Variants in SGCZ observed in about 807,000 individuals in gnomAD.
SGCZ encodes the protein sarcoglycan zeta.
A neutral mutation model predicts 41.3 loss-of-function variants in SGCZ; 40 were observed. The observed-to-expected ratio is 0.97, with a 90% CI of 0.75 to 1.26. SGCZ has a LOEUF of 1.26. Ranked by LOEUF, SGCZ falls within the 50% of genes most tolerant of loss-of-function variation. SGCZ has a pLI of 0.00. For missense variants in SGCZ, 552 were observed against 369.8 expected (o/e 1.49, Z -4.04); for synonymous variants, 206 against 137.5 (o/e 1.50, Z -3.49).
intron 1 of SGCZ, among the ~76,000 whole-genome samples, chr8:14,609,127 T>C (rs1203412892): frequency 6.6e-6 from 1 of 152,190 alleles, no homozygotes; most frequent in Non-Finnish European, 1.5e-5. Flanking sequence ...TTAGGGAAGA[T>C]AATGTCAAGA....
intron 2 of SGCZ, among the ~76,000 whole-genome samples, chr8:14,507,774 GTT>G (rs61638509): frequency 0.017 from 2,258 of 135,422 alleles, 58 homozygotes; most frequent in African/African-American, 0.059. Flanking sequence ...TTTTGTTTTT[GTT>G]TTTTTTTTTT....
At chr8:14,261,993 A>G (rs1433661935) in intron 3 of SGCZ, among the ~76,000 whole-genome samples, 1 of 152,210 alleles carries the variant, frequency 6.6e-6, no homozygotes, top group East Asian at 1.9e-4. Context: ...AATTTGACCA[A>G]CTCCTACTCT....
At chr8:14,119,140 A>C (rs568257958) in intron 5 of SGCZ, among the ~76,000 whole-genome samples, 1 of 152,058 alleles carries the variant, frequency 6.6e-6, no homozygotes, top group South Asian at 2.1e-4. Context: ...TGAATCTATA[A>C]ATTACTTTGG....
At chr8:14,517,712 T>A (rs2117092060) in intron 2 of SGCZ, among the ~76,000 whole-genome samples, 1 of 152,108 alleles carries the variant, frequency 6.6e-6, no homozygotes, top group African/African-American at 2.4e-5. Flanking sequence ...TAGGGGATAT[T>A]GCTTGATAAT....
At chr8:14,371,266 T>A (rs1803899505) in intron 2 of SGCZ, among the ~76,000 whole-genome samples, 1 of 151,990 alleles carries the variant, frequency 6.6e-6, no homozygotes, top group South Asian at 2.1e-4. Flanking sequence ...TGACTCAGTC[T>A]CCTGAATAAG....
chr8:14,431,413 A>G (rs771717874), intron 2 of SGCZ, among the ~76,000 whole-genome samples: 18 of 152,200 alleles, frequency 1.2e-4, no homozygotes, highest in Non-Finnish European at 2.2e-4. Context: ...GATCTTTGAC[A>G]AAGCAAACAA....
intron 5 of SGCZ, among the ~76,000 whole-genome samples, chr8:14,110,675 A>C (rs116805484): frequency 0.014 from 2,132 of 152,284 alleles, 48 homozygotes; most frequent in African/African-American, 0.048. Context: ...CAAAATTAAT[A>C]AGCAACACAG....
At position 14,102,409 on chromosome 8, in the gene SGCZ, C is replaced by T; in HGVS notation, c.711G>A (p.Arg237=). 1.3e-6 allele frequency: 2 copies of T among 1,526,514 alleles called. No individual in the cohort carries two copies. Among genetic ancestry groups the T allele is most frequent in the African/African-American group, 1.4e-5 (1 of 72,628 alleles). The allele number at this position is 1,526,514 out of a possible 1,614,324, so 94.6% of individuals were successfully genotyped here. A position where few individuals can be genotyped will look rare whatever the true frequency, so the allele number is the denominator to read the frequency against. The part of the protein sequence containing the change: ...AAAGDFKATC[R]KELHLQSTEG... ...CTGTAGATTGCAGATGGAGCTCCTT[C>T]CTGCAGGTGGCCTTGAAGTCTCCTG... is the stretch of plus-strand genomic sequence containing the variant. Residue 237 remains arginine (R), a synonymous_variant, in exon 7 of 8, where the codon AGG becomes AGA. Transcript: ENST00000382080.
At chr8:14,411,324 A>T (rs1799354697) in intron 2 of SGCZ, among the ~76,000 whole-genome samples, 1 of 152,194 alleles carries the variant, frequency 6.6e-6, no homozygotes, top group South Asian at 2.1e-4. Context: ...ACATTCGTAT[A>T]GAAACCATTG....
At chr8:14,608,592 G>A (rs1425593205) in intron 1 of SGCZ, among the ~76,000 whole-genome samples, 3 of 152,010 alleles carry the variant, frequency 2.0e-5, no homozygotes, top group Non-Finnish European at 2.9e-5. Context: ...GAACTACTAA[G>A]AATTAAATAA....
rs550662910 is a variant in SGCZ at position 14,784,545 on chromosome 8, G to C, written c.40-229619C>G. ...AACTGGTAGTACCATTACTAATTAA[G>C]AAGAGTTTTCTTCAGATCTGCCATA... On this transcript the variant is annotated intron_variant, in intron 1 of 7. Coordinates refer to ENST00000382080, the MANE Select transcript of SGCZ (RefSeq NM_139167.4). 2.0e-5 allele frequency among the ~76,000 whole-genome samples: 3 copies of C among 152,080 alleles called. No homozygotes were observed. In the East Asian group the frequency reaches 5.8e-4, roughly 29 times the overall value.
chr8:14,418,027 CCA>C (rs1236637034), intron 2 of SGCZ, among the ~76,000 whole-genome samples: 5 of 151,646 alleles, frequency 3.3e-5, no homozygotes, highest in Non-Finnish European at 7.4e-5. Context: ...TCCTTTTGTA[CCA>C]GTTGTTTCAT....
At chr8:14,250,661 T>C (rs756661357) in intron 3 of SGCZ, among the ~76,000 whole-genome samples, 1 of 152,138 alleles carries the variant, frequency 6.6e-6, no homozygotes, top group Non-Finnish European at 1.5e-5. Context: ...GTGACAGATA[T>C]ATAATTTTTG....
intron 1 of SGCZ, among the ~76,000 whole-genome samples, chr8:14,642,054 A>C: frequency 6.6e-6 from 1 of 151,648 alleles, no homozygotes; most frequent in Non-Finnish European, 1.5e-5. Flanking sequence ...GTACCAATGG[A>C]TCATTAGTTT....
intron 2 of SGCZ, among the ~76,000 whole-genome samples, chr8:14,450,410 A>G (rs1800558160): frequency 6.6e-6 from 1 of 152,230 alleles, no homozygotes; most frequent in African/African-American, 2.4e-5. Context: ...AGCACAGCCC[A>G]ACATAAAGGG....
chr8:14,713,598 G>A (rs1413980115), intron 1 of SGCZ, among the ~76,000 whole-genome samples: 1 of 150,880 alleles, frequency 6.6e-6, no homozygotes, highest in South Asian at 2.1e-4. Context: ...GAAGAACTGT[G>A]ATTAATGATA....
In SGCZ at chr8:14,610,524, T is replaced by A. The variant is rs376060568; in HGVS notation, c.40-55598A>T. 4.6e-5 allele frequency among the ~76,000 whole-genome samples: 7 copies of A among 152,260 alleles called. No homozygotes were observed. The South Asian group carries it at 1.4e-3, about 32-fold the overall frequency. Reference sequence around the variant, plus strand: ...TCTCAAGAACCCTCTTTATGAGGGCTCTTGTGTCACATAAAACTCATCTTA... The same window carrying A: ...TCTCAAGAACCCTCTTTATGAGGGCACTTGTGTCACATAAAACTCATCTTA... On this transcript the variant is annotated intron_variant, in intron 1 of 7. Transcript: ENST00000382080.
intron 1 of SGCZ, among the ~76,000 whole-genome samples, chr8:14,882,470 G>A (rs1469555830): frequency 6.6e-6 from 1 of 152,106 alleles, no homozygotes; most frequent in Non-Finnish European, 1.5e-5. Flanking sequence ...ATGTGTTAGA[G>A]TGAATATCGT....
chr8:14,250,695 C>T (rs1372401984), intron 3 of SGCZ, among the ~76,000 whole-genome samples: 4 of 152,088 alleles, frequency 2.6e-5, no homozygotes, highest in Non-Finnish European at 1.5e-5. Flanking sequence ...CCTTGAGATG[C>T]CAGAATCGTT....
Sources: gnomAD v4.1 joint callset for allele counts (sites outside exome capture counted in the v4.1 genomes callset) on GRCh38, gnomAD v4.1.1 for gene constraint, MANE v1.5 for transcripts, NCBI Gene and HGNC (gene_info 2026-07-23, HGNC 2026-07-21) for gene names.